PPIP5K2: variants seen among roughly 807,000 people sequenced by gnomAD.
The protein encoded by PPIP5K2 is inositol hexakisphosphate and diphosphoinositol-pentakisphosphate kinase 2.
In PPIP5K2, 105 loss-of-function variants were observed where a neutral mutation model predicts 154.6. The observed-to-expected ratio is 0.68, with a 90% CI of 0.58 to 0.80. The LOEUF is 0.80. Ranked by LOEUF, PPIP5K2 falls within the 30% of genes least tolerant of loss-of-function variation. The pLI is 0.00. For synonymous variants in PPIP5K2, 480 were observed against 490.3 expected, an observed-to-expected ratio of 0.98 and a Z score of 0.28; for missense variants, 992 against 1,504.6, an observed-to-expected ratio of 0.66 and a Z score of 5.64.
In PPIP5K2 at chr5:103,205,543, G is replaced by A. The variant is rs1279023062; in HGVS notation, c.*3909G>A. On this transcript the variant is annotated 3_prime_UTR_variant, in exon 31 of 31. Transcript: ENST00000358359. ...TCGCCATTCTAACTGGCGTGAGATG[G>A]TATCTCATTTGTAAGATGATATCTC... 6.6e-6 allele frequency: 1 copy of A among 152,170 alleles called. No homozygotes were observed. The highest frequency in any genetic ancestry group is 1.5e-5 in the Non-Finnish European group (1 of 68,032). The allele number at this position is 152,170 out of a possible 1,614,324, so 9.4% of individuals were successfully genotyped here. A position where few individuals can be genotyped will look rare whatever the true frequency, so the allele number is the denominator to read the frequency against.
intron 17 of PPIP5K2, among the ~76,000 whole-genome samples, chr5:103,166,307 A>G (rs1331763791): frequency 1.3e-5 from 2 of 152,022 alleles, no homozygotes; most frequent in African/African-American, 4.8e-5. Context: ...AATCTTCACT[A>G]CAGAGTCCTC....
intron 4 of PPIP5K2, among the ~76,000 whole-genome samples, chr5:103,137,621 G>A (rs908753523): frequency 6.6e-6 from 1 of 151,994 alleles, no homozygotes; most frequent in African/African-American, 2.4e-5. Flanking sequence ...CACTCCTATA[G>A]CTATTCTCAT....
intron 4 of PPIP5K2, among the ~76,000 whole-genome samples, chr5:103,137,528 A>G (rs1791740810): frequency 6.6e-6 from 1 of 152,212 alleles, no homozygotes; most frequent in Admixed American, 6.5e-5. Flanking sequence ...ATATCTTAGC[A>G]TTCATTTAAC....
At chr5:103,165,160 T>C (rs552284178) in intron 17 of PPIP5K2, among the ~76,000 whole-genome samples, 1 of 152,256 alleles carries the variant, frequency 6.6e-6, no homozygotes, top group Admixed American at 6.5e-5. Context: ...GTTAGAGTGT[T>C]GCTGCTAAAT....
At chr5:103,195,300 T>C (rs1554228187) in intron 30 of PPIP5K2, among the ~76,000 whole-genome samples, 1 of 152,112 alleles carries the variant, frequency 6.6e-6, no homozygotes, top group Non-Finnish European at 1.5e-5. Context: ...TGCCTTTCTT[T>C]TGAGTTTAAG....
Position 103,151,237 on chromosome 5 carries a change from A to G in PPIP5K2, c.907-16A>G, listed in dbSNP as rs782435655. 5.1e-6 allele frequency: 8 copies of G among 1,579,596 alleles called. No individual in the cohort carries two copies. Among genetic ancestry groups the G allele is most frequent in the Non-Finnish European group, 6.9e-6 (8 of 1,162,506 alleles). On this transcript the variant is annotated splice_polypyrimidine_tract_variant and intron_variant, in intron 8 of 30. Coordinates refer to ENST00000358359, the MANE Select transcript of PPIP5K2 (RefSeq NM_001276277.3). The stretch of plus-strand genomic sequence containing the variant: ...ATTTAAATAAAACCTTAAAGTTTAT[A>G]ACTTATTTTAAATAGCAAACAGTTT...
intron 23 of PPIP5K2, among the ~76,000 whole-genome samples, chr5:103,179,478 A>G (rs1199030964): frequency 2.6e-5 from 4 of 152,066 alleles, no homozygotes; most frequent in Non-Finnish European, 4.4e-5. Flanking sequence ...TGTCTTATTC[A>G]TCTGTGTCCT....
chr5:103,179,890 T>G, intron 23 of PPIP5K2, 131 bp from the exon 24 acceptor site: 2 of 681,384 alleles, frequency 2.9e-6, no homozygotes, highest in Non-Finnish European at 4.4e-6. Flanking sequence ...GTTCAATTAA[T>G]GTTAATTCAT....
At position 103,212,412 on chromosome 5, in the gene PPIP5K2, G is replaced by A. The variant is rs1387797414; in HGVS notation, c.*10778G>A. 6.6e-6 allele frequency: 1 copy of A among 152,160 alleles called. No individual in the cohort carries two copies. Among genetic ancestry groups the A allele is most frequent in the African/African-American group, 2.4e-5 (1 of 41,424 alleles). 9.4% of individuals were successfully genotyped at this position (152,160 alleles called of 1,614,324 possible). ...GAGTTGTTGCCTGAGGAACTAGATG[G>A]TGGTATGTTATTCTGGCATATAGGG... On this transcript the variant is annotated 3_prime_UTR_variant, in exon 31 of 31. Transcript: ENST00000358359.
At chr5:103,170,921 T>G (rs1190120059) in intron 19 of PPIP5K2, among the ~76,000 whole-genome samples, 1 of 151,578 alleles carries the variant, frequency 6.6e-6, no homozygotes, top group African/African-American at 2.4e-5. Flanking sequence ...TACAAAGTTT[T>G]AACTTGTTTA....
In PPIP5K2 at chr5:103,129,544, T is replaced by C; in HGVS notation, c.-46T>C. ...CTGATACTATTTACTTAGAGGCAGT[T>C]TTAATATAAATCATTTCAATTATAT... On this transcript the variant is annotated 5_prime_UTR_variant, in exon 2 of 31. Coordinates refer to ENST00000358359, the MANE Select transcript of PPIP5K2 (RefSeq NM_001276277.3). 1 of 1,466,886 alleles carries C rather than the reference T, an allele frequency of 6.8e-7. No homozygotes were observed. Among genetic ancestry groups the C allele is most frequent in the East Asian group, 2.5e-5 (1 of 40,642 alleles). 90.9% of individuals were successfully genotyped at this position (1,466,886 alleles called of 1,614,324 possible).
chr5:103,134,454 T>C (rs1554203577), intron 3 of PPIP5K2, among the ~76,000 whole-genome samples: 1 of 152,182 alleles, frequency 6.6e-6, no homozygotes, highest in Non-Finnish European at 1.5e-5. Flanking sequence ...TCCTGAGCTA[T>C]GTTAAAGTCT....
At chr5:103,170,988 A>G (rs1484549725) in intron 19 of PPIP5K2, among the ~76,000 whole-genome samples, 2 of 151,586 alleles carry the variant, frequency 1.3e-5, no homozygotes, top group East Asian at 1.9e-4. Flanking sequence ...GTATATACAT[A>G]TGTTCTGGTG....
intron 29 of PPIP5K2, among the ~76,000 whole-genome samples, chr5:103,193,958 G>A (rs1191589348): frequency 2.0e-5 from 3 of 152,030 alleles, no homozygotes; most frequent in South Asian, 2.1e-4. Flanking sequence ...AAAGAAAACC[G>A]GAAAGACTCA....
intron 5 of PPIP5K2, among the ~76,000 whole-genome samples, chr5:103,141,609 G>C (rs1347788699): frequency 3.3e-5 from 5 of 152,122 alleles, no homozygotes; most frequent in African/African-American, 9.7e-5. Flanking sequence ...GGTTCTCCAC[G>C]TCCCCATCAG....
At chr5:103,131,849 CT>C (rs1304648139) in intron 2 of PPIP5K2, among the ~76,000 whole-genome samples, 1 of 152,076 alleles carries the variant, frequency 6.6e-6, no homozygotes, top group Non-Finnish European at 1.5e-5. Flanking sequence ...GCGATTGTGC[CT>C]TAAGAATGTA....
intron 21 of PPIP5K2, 122 bp downstream of exon 21, chr5:103,174,094 C>T: frequency 2.7e-6 from 2 of 729,724 alleles, no homozygotes; most frequent in Non-Finnish European, 4.4e-6. Flanking sequence ...TTAATGTCGT[C>T]TTTCAAGGGA....
chr5:103,137,376 A>C (rs1409524600), intron 4 of PPIP5K2, among the ~76,000 whole-genome samples: 1 of 151,934 alleles, frequency 6.6e-6, no homozygotes, highest in Non-Finnish European at 1.5e-5. Context: ...GTTAGCCAGG[A>C]TGGTCTCGAT....
intron 2 of PPIP5K2, among the ~76,000 whole-genome samples, chr5:103,132,051 T>C (rs761230071): frequency 1.8e-4 from 28 of 152,202 alleles, no homozygotes; most frequent in Non-Finnish European, 2.5e-4. Context: ...TATAATGAAC[T>C]GTACCAAAAC....
Sources: gnomAD v4.1 joint callset for allele counts (sites outside exome capture counted in the v4.1 genomes callset) on GRCh38, gnomAD v4.1.1 for gene constraint, MANE v1.5 for transcripts, NCBI Gene and HGNC (gene_info 2026-07-23, HGNC 2026-07-21) for gene names.